The following CD6 variants were observed in gnomAD, a reference collection of about 807,000 sequenced individuals.
The protein encoded by CD6 is T-cell differentiation antigen CD6.
In CD6, 53 loss-of-function variants were observed where a neutral mutation model predicts 75.3. The ratio of observed to expected loss-of-function variants is 0.70; its 90% confidence interval spans 0.56 to 0.88. The LOEUF (loss-of-function observed/expected upper bound fraction) is 0.88, where lower values mean the gene tolerates loss of function less well. CD6 is among the 40% of genes least tolerant of loss of function. The probability of loss-of-function intolerance (pLI) is 0.00; values close to 1 mark genes in which losing one functional copy is unlikely to be tolerated. For synonymous variants in CD6, 359 were observed against 381.5 expected, an observed-to-expected ratio of 0.94 and a Z score of 0.69; for missense variants, 770 against 897.1, an observed-to-expected ratio of 0.86 and a Z score of 1.81.
intron 1 of CD6, among the ~76,000 whole-genome samples, chr11:60,993,993 GT>G (rs1166594400): frequency 6.6e-6 from 1 of 152,158 alleles, no homozygotes; most frequent in Non-Finnish European, 1.5e-5. Flanking sequence ...TATCTTTTAA[GT>G]TTTTTACAGA....
chr11:60,976,253 A>C (rs867003950), intron 1 of CD6, among the ~76,000 whole-genome samples: 1 of 152,182 alleles, frequency 6.6e-6, no homozygotes, highest in Non-Finnish European at 1.5e-5. Flanking sequence ...GCTCCTACTT[A>C]TAAGTGAGAA....
intron 6 of CD6, 69 bp downstream of exon 6, chr11:61,011,204 T>TGTGTGTGTGTG: frequency 1.8e-5 from 24 of 1,306,832 alleles, no homozygotes; most frequent in East Asian, 7.1e-5. Flanking sequence ...TGTGTGTGTG[T>TGTGTGTGTGTG]TCCTGTGCAC....
intron 9 of CD6, 163 bp from the exon 10 acceptor site, chr11:61,017,316 T>C (rs1206677394): frequency 4.8e-6 from 3 of 630,466 alleles, no homozygotes; most frequent in Admixed American, 2.4e-5. Context: ...GATTGGGATA[T>C]GAACCTGGAA....
In CD6 at chr11:61,008,588, A is replaced by G; in HGVS notation, c.524A>G (p.Glu175Gly). 1 of 1,608,074 alleles carries G rather than the reference A, an allele frequency of 6.2e-7. No homozygotes were observed. The highest frequency in any genetic ancestry group is 8.5e-7 in the Non-Finnish European group (1 of 1,177,752). Residue 175 changes from glutamate (E) to glycine (G), a missense_variant, in exon 4 of 13, where the codon GAG becomes GGG. Physicochemically the swap from Glu to Gly is moderately conservative, Grantham distance 98. Transcript: ENST00000313421. ...GGCGGCGCCTGCGCCGGCCGCGTGG[A>G]GATGCTGGAGCATGGCGAGTGGGGA... ...DGGGACAGRV[E>G]MLEHGEWGSV...
intron 1 of CD6, among the ~76,000 whole-genome samples, chr11:60,973,832 G>T (rs1287085342): frequency 1.3e-5 from 2 of 152,178 alleles, no homozygotes; most frequent in Admixed American, 6.5e-5. Context: ...GTTGCCAGGG[G>T]TGTATGTCCT....
At position 61,013,890 on chromosome 11, in the gene CD6, T is replaced by G. The variant is rs549860628; in HGVS notation, c.1292-29T>G. 1.1e-4 allele frequency: 162 copies of G among 1,520,786 alleles called. 3 individuals are homozygous for G. In the South Asian group the frequency reaches 1.8e-3, roughly 17 times the overall value. 94.2% of individuals were successfully genotyped at this position (1,520,786 alleles called of 1,614,324 possible). Reference sequence around the variant, plus strand: ...GACTGGGAGAGGGCAAAAAAATGACTTGTAGAATTTCTGCCTCCCCTCCCT... The same window carrying G: ...GACTGGGAGAGGGCAAAAAAATGACGTGTAGAATTTCTGCCTCCCCTCCCT... On this transcript the variant is annotated intron_variant, in intron 7 of 12. Coordinates refer to ENST00000313421, the MANE Select transcript of CD6 (RefSeq NM_006725.5).
chr11:61,010,930 C>T (rs1590719909), intron 5 of CD6, 140 bp from the exon 6 acceptor site: 1 of 700,658 alleles, frequency 1.4e-6, no homozygotes, highest in Middle Eastern at 3.5e-4. Flanking sequence ...AGGTAAGTTT[C>T]CTTAGCCACG....
At chr11:60,987,255 G>A (rs1445546069) in intron 1 of CD6, among the ~76,000 whole-genome samples, 1 of 152,172 alleles carries the variant, frequency 6.6e-6, no homozygotes, top group Non-Finnish European at 1.5e-5. Flanking sequence ...TGGCAATCTT[G>A]GGCATTTCTT....
chr11:61,003,787 C>T (rs1858713902), intron 1 of CD6, among the ~76,000 whole-genome samples: 5 of 152,190 alleles, frequency 3.3e-5, no homozygotes, highest in Admixed American at 3.3e-4. Context: ...CCATTCGGCC[C>T]TCTGTGAAAT....
chr11:61,011,116 T>C lies in CD6; in HGVS notation c.1131T>C (p.Ser377=). The change falls in exon 6 of 13, where the codon AGT becomes AGC. Residue 377 remains serine (S), a synonymous_variant. Coordinates refer to ENST00000313421, the MANE Select transcript of CD6 (RefSeq NM_006725.5). ...TGTCCACTCCCGAAGTCCCTGCAAGTGTTCAGACAGTCACTATAGGTAAGT... is the reference window on the plus strand; with the variant it reads ...TGTCCACTCCCGAAGTCCCTGCAAGCGTTCAGACAGTCACTATAGGTAAGT... The part of the protein sequence containing the change: ...HNLSTPEVPA[S]VQTVTIESSV... 2.5e-6 allele frequency: 4 copies of C among 1,613,856 alleles called. No individual in the cohort carries two copies. Among genetic ancestry groups the C allele is most frequent in the Non-Finnish European group, 3.4e-6 (4 of 1,179,968 alleles).
Position 61,013,542 on chromosome 11 carries a change from T to C in CD6, c.1270T>C (p.Leu424=). 1 of 1,614,076 alleles carries C rather than the reference T, an allele frequency of 6.2e-7. No homozygotes were observed. The highest frequency in any genetic ancestry group is 8.5e-7 in the Non-Finnish European group (1 of 1,179,992). The change falls in exon 7 of 13, where the codon TTG becomes CTG. Residue 424 remains leucine (L), a synonymous_variant. Coordinates refer to ENST00000313421, the MANE Select transcript of CD6 (RefSeq NM_006725.5). ...CCTCATCTTCATAGCCTTCATCCTC[T>C]TGAGAATTAAAGGAAAATATGGTAA... ...GSLIFIAFIL[L]RIKGKYALPV...
chr11:61,013,772 TTGTG>T (rs1859268282), intron 7 of CD6, 143 bp from the exon 8 acceptor site: 2 of 722,242 alleles, frequency 2.8e-6, no homozygotes, highest in South Asian at 1.8e-5. Flanking sequence ...GTGCCTGTGT[TTGTG>T]TGTGTGTTTG....
At chr11:61,016,684 C>T (rs1859420698) in intron 9 of CD6, among the ~76,000 whole-genome samples, 1 of 152,224 alleles carries the variant, frequency 6.6e-6, no homozygotes, top group Admixed American at 6.5e-5. Flanking sequence ...CAACCCAGCA[C>T]CCAGAACGAA....
In CD6 at chr11:61,019,397, C is replaced by T; in HGVS notation, c.*79C>T. The T allele has an allele frequency of 3.5e-6, 4 of 1,135,818 alleles. No homozygotes were observed. In the South Asian group the frequency reaches 5.6e-5, roughly 16 times the overall value. 70.4% of individuals were successfully genotyped at this position (1,135,818 alleles called of 1,614,324 possible). ...TACCTACTCCCTTTCCCCTTTCCCA[C>T]CCTCCCAGCTCACCTCCCCATGGAG... On this transcript the variant is annotated 3_prime_UTR_variant, in exon 13 of 13. Coordinates refer to ENST00000313421, the MANE Select transcript of CD6 (RefSeq NM_006725.5).
rs1426694517 is a variant in CD6, at chr11:61,020,314, C to T, written c.*996C>T. On this transcript the variant is annotated 3_prime_UTR_variant, in exon 13 of 13. Coordinates refer to ENST00000313421, the MANE Select transcript of CD6 (RefSeq NM_006725.5). The stretch of plus-strand genomic sequence containing the variant: ...CAGCCCCCAGAGAGAGGCCCATGGG[C>T]TCAGACCAGGCTTTGTTGTCCTGCT... 2.5e-6 allele frequency: 1 copy of T among 398,904 alleles called. No individual in the cohort carries two copies. Among genetic ancestry groups the T allele is most frequent in the Non-Finnish European group, 4.4e-6 (1 of 226,086 alleles). 24.7% of individuals were successfully genotyped at this position (398,904 alleles called of 1,614,324 possible).
At chr11:60,996,953 G>C (rs1305134030) in intron 1 of CD6, among the ~76,000 whole-genome samples, 1 of 152,182 alleles carries the variant, frequency 6.6e-6, no homozygotes, top group Non-Finnish European at 1.5e-5. Context: ...CTGGCCAAAG[G>C]TCACTCCACT....
chr11:61,005,426 G>C (rs1160654907), intron 1 of CD6, among the ~76,000 whole-genome samples: 1 of 152,194 alleles, frequency 6.6e-6, no homozygotes, highest in East Asian at 1.9e-4. Flanking sequence ...CTCTGCTAAG[G>C]CTCCCCATTG....
rs542649416 is a variant in CD6, at chr11:60,982,037, C to T, written c.49+10123C>T. Among the ~76,000 whole-genome samples the T allele has an allele frequency of 4.7e-3, 649 of 137,090 alleles. 11 individuals are homozygous for T. Among genetic ancestry groups the T allele is most frequent in the Non-Finnish European group, 5.3e-3 (349 of 65,288 alleles). The allele number at this position is 137,090 out of a possible 152,430, so 89.9% of individuals were successfully genotyped here. On this transcript the variant is annotated intron_variant, in intron 1 of 12. Transcript: ENST00000313421. ...TCAGGACCCTGAGCTGGGCTGAGGT[C>T]TCCGGGAGGTGCCAGCAGATGCCAG...
chr11:61,000,862 A>G (rs553807726), intron 1 of CD6, among the ~76,000 whole-genome samples: 2 of 152,062 alleles, frequency 1.3e-5, no homozygotes, highest in Non-Finnish European at 2.9e-5. Flanking sequence ...CCACTACCCC[A>G]TTGGAGGTTC....
Sources: gnomAD v4.1 joint callset for allele counts (sites outside exome capture counted in the v4.1 genomes callset) on GRCh38, gnomAD v4.1.1 for gene constraint, MANE v1.5 for transcripts, NCBI Gene and HGNC (gene_info 2026-07-23, HGNC 2026-07-21) for gene names.